Variants in SH2D4B observed in about 807,000 individuals in gnomAD.
The protein encoded by SH2D4B is SH2 domain containing 4B.
SH2D4B carries 45 observed loss-of-function variants against 61.5 expected under a neutral mutation model. The observed-to-expected ratio is 0.73, with a 90% CI of 0.58 to 0.94. SH2D4B has a LOEUF of 0.94. Among genes scored for constraint, SH2D4B ranks in the 40% least tolerant of loss-of-function variants. The pLI is 0.00. For synonymous variants in SH2D4B, 224 were observed against 220.4 expected (o/e 1.02, Z -0.14); for missense variants, 572 against 574.2 (o/e 1.00, Z 0.04).
chr10:80,623,875 A>G (rs34486473), intron 6 of SH2D4B, among the ~76,000 whole-genome samples: 14,244 of 152,220 alleles, frequency 0.094, 1,392 homozygotes, highest in African/African-American at 0.25. Context: ...TCTACTCCCC[A>G]AGTCATGGAA....
At chr10:80,589,723 G>A (rs1842304478) in intron 4 of SH2D4B, among the ~76,000 whole-genome samples, 1 of 152,148 alleles carries the variant, frequency 6.6e-6, no homozygotes, top group Non-Finnish European at 1.5e-5. Context: ...TGGTGGGTCT[G>A]CAGAAGAGGT....
intron 1 of SH2D4B, among the ~76,000 whole-genome samples, chr10:80,544,161 C>G (rs1841632166): frequency 6.6e-6 from 1 of 152,182 alleles, no homozygotes; most frequent in Admixed American, 6.5e-5. Context: ...GTAACAGTCA[C>G]TGCGAAGGTC....
At chr10:80,567,237 T>G (rs1034950247) in intron 1 of SH2D4B, among the ~76,000 whole-genome samples, 7 of 152,278 alleles carry the variant, frequency 4.6e-5, no homozygotes, top group Admixed American at 1.3e-4. Context: ...TTCCCTGACA[T>G]TCCGTGGACT....
At chr10:80,616,944 A>C (rs1011540608) in intron 6 of SH2D4B, among the ~76,000 whole-genome samples, 1 of 152,192 alleles carries the variant, frequency 6.6e-6, no homozygotes, top group African/African-American at 2.4e-5. Flanking sequence ...ATTTAGTCCT[A>C]TGTGACATCA....
chr10:80,634,543 A>G lies in SH2D4B; in HGVS notation c.1209+38A>G, dbSNP rs925731107. On this transcript the variant is annotated intron_variant, in intron 7 of 7. Coordinates refer to ENST00000646907, the MANE Select transcript of SH2D4B (RefSeq NM_001388272.1). ...GGGATACTAATGGGGGGGAGGGGGAACTGGTGGAAATTGGAGCTGAAGAGA... is the reference window on the plus strand; with the variant it reads ...GGGATACTAATGGGGGGGAGGGGGAGCTGGTGGAAATTGGAGCTGAAGAGA... 17 of 1,543,676 alleles carry G rather than the reference A, an allele frequency of 1.1e-5. No homozygotes were observed. In the East Asian group the frequency reaches 3.9e-4, roughly 36 times the overall value.
chr10:80,570,361 C>G (rs753937776), intron 2 of SH2D4B, 45 bp downstream of exon 2: 1 of 1,601,534 alleles, frequency 6.2e-7, no homozygotes, highest in Non-Finnish European at 8.5e-7. Flanking sequence ...GGCATGGAAG[C>G]TATGCTTAGC....
At position 80,559,985 on chromosome 10, in the gene SH2D4B, C is replaced by CTTT. The variant is rs144516423; in HGVS notation, c.185-10151_185-10149dup. 3.2e-4 allele frequency among the ~76,000 whole-genome samples: 40 copies of CTTT among 124,570 alleles called. 1 individual carries two copies. The highest frequency in any genetic ancestry group is 1.0e-3 in the African/African-American group (30 of 30,030). 81.7% of individuals were successfully genotyped at this position (124,570 alleles called of 152,430 possible). ...ATAGTACTGTATTTTTAAAATACAC[C>CTTT]TTTTTTTTTTTTTTTTTTTTGAGAC... On this transcript the variant is annotated intron_variant, in intron 1 of 7. Coordinates refer to ENST00000646907, the MANE Select transcript of SH2D4B (RefSeq NM_001388272.1).
At chr10:80,623,013 C>G (rs544847080) in intron 6 of SH2D4B, among the ~76,000 whole-genome samples, 1 of 152,356 alleles carries the variant, frequency 6.6e-6, no homozygotes, top group South Asian at 2.1e-4. Flanking sequence ...CTCCCGGGTT[C>G]AAGCGATTCT....
At chr10:80,618,805 C>T (rs1048539246) in intron 6 of SH2D4B, among the ~76,000 whole-genome samples, 14 of 151,844 alleles carry the variant, frequency 9.2e-5, no homozygotes, top group South Asian at 4.2e-4. Flanking sequence ...AAGTCCTAAC[C>T]GAGAAATAAA....
At chr10:80,600,288 C>T (rs1842436456) in intron 4 of SH2D4B, among the ~76,000 whole-genome samples, 1 of 152,244 alleles carries the variant, frequency 6.6e-6, no homozygotes, top group Admixed American at 6.5e-5. Context: ...TTGTTCTATT[C>T]ACCCAAGGGA....
chr10:80,641,992 G>A (rs1425915966), intron 7 of SH2D4B, among the ~76,000 whole-genome samples: 1 of 152,166 alleles, frequency 6.6e-6, no homozygotes, highest in Non-Finnish European at 1.5e-5. Flanking sequence ...CCTCTACTTT[G>A]ATTATCAATT....
chr10:80,570,598 A>G (rs1427888468), intron 2 of SH2D4B, among the ~76,000 whole-genome samples: 3 of 152,226 alleles, frequency 2.0e-5, no homozygotes, highest in Non-Finnish European at 4.4e-5. Context: ...AGAACAACTC[A>G]CACCCACCAC....
rs1240127611 is a variant in SH2D4B at position 80,645,222 on chromosome 10, T to G, written c.*1137T>G. 6.6e-6 allele frequency: 1 copy of G among 152,236 alleles called. No homozygotes were observed. The highest frequency in any genetic ancestry group is 6.5e-5 in the Admixed American group (1 of 15,282). The allele number at this position is 152,236 out of a possible 1,614,324, so 9.4% of individuals were successfully genotyped here. A position where few individuals can be genotyped will look rare whatever the true frequency, so the allele number is the denominator to read the frequency against. On this transcript the variant is annotated 3_prime_UTR_variant, in exon 8 of 8. Transcript: ENST00000646907. The stretch of plus-strand genomic sequence containing the variant: ...CTAGGAATGTTAGGGAACGATTTAC[T>G]TTACCCGATGGCTGTATCAAACATC...
At chr10:80,572,986 A>ATTTTTTTTTT (rs61401607) in intron 3 of SH2D4B, among the ~76,000 whole-genome samples, 4 of 8,876 alleles carry the variant, frequency 4.5e-4, no homozygotes, top group Non-Finnish European at 6.1e-4. Context: ...ATATATATAT[A>ATTTTTTTTTT]TTTTTTTTTT....
chr10:80,587,600 T>C (rs1419540748), intron 3 of SH2D4B, among the ~76,000 whole-genome samples: 1 of 152,150 alleles, frequency 6.6e-6, no homozygotes, highest in African/African-American at 2.4e-5. Flanking sequence ...TTCTAAACTT[T>C]TATTTTAGAT....
chr10:80,587,402 G>C (rs1481738475), intron 3 of SH2D4B, among the ~76,000 whole-genome samples: 1 of 151,868 alleles, frequency 6.6e-6, no homozygotes, highest in African/African-American at 2.4e-5. Context: ...GCCTCAGCCT[G>C]CCTAGCAGCT....
At chr10:80,544,250 G>C (rs1841634529) in intron 1 of SH2D4B, among the ~76,000 whole-genome samples, 1 of 152,164 alleles carries the variant, frequency 6.6e-6, no homozygotes, top group African/African-American at 2.4e-5. Context: ...CGCCTTAAGA[G>C]CTGTAACAGT....
chr10:80,588,903 C>T (rs1274971761), intron 4 of SH2D4B, 126 bp downstream of exon 4: 12 of 1,148,008 alleles, frequency 1.0e-5, no homozygotes, highest in South Asian at 4.4e-5. Flanking sequence ...TACTTGGACC[C>T]GGCCATGTGC....
chr10:80,619,930 C>T, intron 6 of SH2D4B, among the ~76,000 whole-genome samples: 1 of 152,240 alleles, frequency 6.6e-6, no homozygotes, highest in East Asian at 1.9e-4. Flanking sequence ...TCCTTACCCT[C>T]CACATCAGGC....
Sources: allele counts gnomAD v4.1 joint callset (sites outside exome capture counted in the v4.1 genomes callset), GRCh38; gene constraint gnomAD v4.1.1; transcripts MANE v1.5; gene names NCBI Gene and HGNC (gene_info 2026-07-23, HGNC 2026-07-21).